Variants in CSNK1G1 observed in about 807,000 individuals in gnomAD.
CSNK1G1 encodes the protein casein kinase 1 gamma 1.
A neutral mutation model predicts 59.6 loss-of-function variants in CSNK1G1; 22 were observed. The observed-to-expected ratio is 0.37, with a 90% CI of 0.26 to 0.53. The LOEUF is 0.53. Among genes scored for constraint, CSNK1G1 ranks in the 20% least tolerant of loss-of-function variants. The pLI is 0.89. For missense variants in CSNK1G1, 384 were observed against 519.5 expected (o/e 0.74, Z 2.54); for synonymous variants, 179 against 177.1 (o/e 1.01, Z -0.08).
At chr15:64,339,735 G>C (rs1364543393) in intron 1 of CSNK1G1, among the ~76,000 whole-genome samples, 1 of 152,240 alleles carries the variant, frequency 6.6e-6, no homozygotes, top group Non-Finnish European at 1.5e-5. Context: ...AGGAGCAGTA[G>C]TGCCCACTGA....
intron 3 of CSNK1G1, among the ~76,000 whole-genome samples, chr15:64,253,143 G>A (rs1274168926): frequency 1.3e-5 from 2 of 151,978 alleles, no homozygotes; most frequent in African/African-American, 4.8e-5. Flanking sequence ...CCAGGGGTTC[G>A]AGACCAGCCT....
At chr15:64,262,078 C>A (rs1299887034) in intron 2 of CSNK1G1, among the ~76,000 whole-genome samples, 1 of 151,992 alleles carries the variant, frequency 6.6e-6, no homozygotes, top group East Asian at 1.9e-4. Context: ...TTTGCATGAG[C>A]ATTGTGAGGT....
At chr15:64,250,599 G>C (rs996225297) in intron 4 of CSNK1G1, among the ~76,000 whole-genome samples, 1 of 152,020 alleles carries the variant, frequency 6.6e-6, no homozygotes, top group Admixed American at 6.6e-5. Context: ...CAGAAAATTA[G>C]CCTGGTGTGG....
At chr15:64,328,291 TCAAAGGGAAGCCC>T (rs1042359618) in intron 1 of CSNK1G1, among the ~76,000 whole-genome samples, 2 of 120,836 alleles carry the variant, frequency 1.7e-5, no homozygotes, top group African/African-American at 6.2e-5. Flanking sequence ...CGGGTTACCC[TCAAAGGGAAGCCC>T]ATCAGACTAA....
At chr15:64,315,722 CA>C (rs1172333029) in intron 1 of CSNK1G1, 2 of 152,174 alleles carry the variant, frequency 1.3e-5, no homozygotes, top group Non-Finnish European at 2.9e-5. Context: ...CCCACTGAGC[CA>C]AAAGTGCACT....
chr15:64,189,975 T>C (rs950185101), intron 10 of CSNK1G1, among the ~76,000 whole-genome samples: 1 of 152,106 alleles, frequency 6.6e-6, no homozygotes, highest in Non-Finnish European at 1.5e-5. Flanking sequence ...CGCAGCACCA[T>C]GCCCGGCTAA....
At chr15:64,342,880 C>G (rs1897748145) in intron 1 of CSNK1G1, among the ~76,000 whole-genome samples, 1 of 152,118 alleles carries the variant, frequency 6.6e-6, no homozygotes, top group African/African-American at 2.4e-5. Flanking sequence ...TGCTGGACCC[C>G]AGTCTAGAGT....
intron 4 of CSNK1G1, among the ~76,000 whole-genome samples, chr15:64,247,731 G>T (rs1213815190): frequency 1.3e-5 from 2 of 152,108 alleles, no homozygotes; most frequent in Non-Finnish European, 2.9e-5. Context: ...TGAAACTGGG[G>T]TCCAAAAGGC....
rs573632626 is a variant in CSNK1G1, at chr15:64,324,234, G to A, written c.-224-23511C>T. ...TGTCCTGTGCGATGGTTAATACTGAGTGTCAACTTGATTGGACTGAAGGAT... is the reference window on the plus strand; with the variant it reads ...TGTCCTGTGCGATGGTTAATACTGAATGTCAACTTGATTGGACTGAAGGAT... On this transcript the variant is annotated intron_variant, in intron 1 of 11. Transcript: ENST00000303052. Among the ~76,000 whole-genome samples, 9 of 152,320 alleles carry A rather than the reference G, an allele frequency of 5.9e-5. No individual in the cohort carries two copies. The South Asian group carries it at 1.9e-3, about 32-fold the overall frequency.
rs1164040865 is a variant in CSNK1G1, at chr15:64,168,776, A to AT, written c.*3154dup. 6.6e-6 allele frequency: 1 copy of AT among 152,164 alleles called. No homozygotes were observed. The highest frequency in any genetic ancestry group is 1.5e-5 in the Non-Finnish European group (1 of 68,024). The allele number at this position is 152,164 out of a possible 1,614,324, so 9.4% of individuals were successfully genotyped here. ...CAGTAGGGTTGAGGAGGGAGCCCTG[A>AT]TTCGCTGATGGGCCTGAAACAAATG... On this transcript the variant is annotated 3_prime_UTR_variant, in exon 12 of 12. Coordinates refer to ENST00000303052, the MANE Select transcript of CSNK1G1 (RefSeq NM_022048.5).
chr15:64,353,468 C>T (rs1898433318), intron 1 of CSNK1G1, among the ~76,000 whole-genome samples: 1 of 151,734 alleles, frequency 6.6e-6, no homozygotes, highest in Admixed American at 6.6e-5. Context: ...AACATGATGA[C>T]ACTTCGTCTC....
chr15:64,204,604 A>T lies in CSNK1G1; in HGVS notation c.851-15T>A. Reference sequence around the variant, plus strand: ...TGCCATCTCCTCTGTTAGGAAAGAGATGAAAGGCCCTGCTCATTAGCTGAA... The same window carrying T: ...TGCCATCTCCTCTGTTAGGAAAGAGTTGAAAGGCCCTGCTCATTAGCTGAA... On this transcript the variant is annotated splice_polypyrimidine_tract_variant and intron_variant, in intron 8 of 11. Coordinates refer to ENST00000303052, the MANE Select transcript of CSNK1G1 (RefSeq NM_022048.5). 1 of 1,611,320 alleles carries T rather than the reference A, an allele frequency of 6.2e-7. No individual in the cohort carries two copies. The highest frequency in any genetic ancestry group is 8.5e-7 in the Non-Finnish European group (1 of 1,179,234).
chr15:64,270,967 T>C (rs942567261), intron 2 of CSNK1G1, among the ~76,000 whole-genome samples: 53 of 152,112 alleles, frequency 3.5e-4, no homozygotes, highest in African/African-American at 1.3e-3. Flanking sequence ...TATTTTACTA[T>C]GTATGTGTGT....
intron 6 of CSNK1G1, among the ~76,000 whole-genome samples, chr15:64,212,581 T>C (rs57947136): frequency 0.062 from 9,396 of 152,184 alleles, 891 homozygotes; most frequent in African/African-American, 0.21. Flanking sequence ...CTGGGCATGA[T>C]GGCATGCGCC....
At chr15:64,201,656 G>GT (rs2082109000) in intron 10 of CSNK1G1, among the ~76,000 whole-genome samples, 1 of 151,314 alleles carries the variant, frequency 6.6e-6, no homozygotes, top group Non-Finnish European at 1.5e-5. Context: ...TTTGCCAAGA[G>GT]TATATACTTA....
At chr15:64,263,163 G>A (rs1007999186) in intron 2 of CSNK1G1, among the ~76,000 whole-genome samples, 10 of 151,130 alleles carry the variant, frequency 6.6e-5, no homozygotes, top group African/African-American at 2.4e-4. Context: ...GTCTTGAGGA[G>A]TCTCATCATT....
intron 7 of CSNK1G1, among the ~76,000 whole-genome samples, chr15:64,205,552 G>C (rs2082165719): frequency 6.6e-6 from 1 of 152,336 alleles, no homozygotes; most frequent in Non-Finnish European, 1.5e-5. Flanking sequence ...TAGCCAGAGG[G>C]CTTCTGAACC....
intron 2 of CSNK1G1, among the ~76,000 whole-genome samples, chr15:64,289,595 A>G (rs893399987): frequency 7.2e-5 from 11 of 152,200 alleles, no homozygotes; most frequent in African/African-American, 2.7e-4. Context: ...ACTTAATTAA[A>G]CTAAAAAGCA....
At chr15:64,326,667 G>A (rs563826893) in intron 1 of CSNK1G1, among the ~76,000 whole-genome samples, 1 of 151,942 alleles carries the variant, frequency 6.6e-6, no homozygotes, top group Admixed American at 6.6e-5. Flanking sequence ...GTAGGGGGGA[G>A]GAGCCAAGAT....
Sources: allele counts gnomAD v4.1 joint callset (sites outside exome capture counted in the v4.1 genomes callset), GRCh38; gene constraint gnomAD v4.1.1; transcripts MANE v1.5; gene names NCBI Gene and HGNC (gene_info 2026-07-23, HGNC 2026-07-21).